The following LYRM4 variants were observed in gnomAD, a reference collection of about 807,000 sequenced individuals.
The protein encoded by LYRM4 is LYR motif-containing protein 4.
A neutral mutation model predicts 11.7 loss-of-function variants in LYRM4; 9 were observed. The ratio of observed to expected loss-of-function variants is 0.77; its 90% CI spans 0.46 to 1.34. The LOEUF (loss-of-function observed/expected upper bound fraction) is 1.34, where lower values mean the gene tolerates loss of function less well. Ranked by LOEUF, LYRM4 falls within the 40% of genes most tolerant of loss-of-function variation. LYRM4 has a pLI of 0.00. For synonymous variants in LYRM4, 42 were observed against 40.4 expected (o/e 1.04, Z -0.15); for missense variants, 133 against 112.5 (o/e 1.18, Z -0.82).
rs1760157828 is a variant in LYRM4, at chr6:5,182,841, G to A, written c.207+33777C>T. Among the ~76,000 whole-genome samples, 3 of 152,122 alleles carry A rather than the reference G, an allele frequency of 2.0e-5. No individual in the cohort carries two copies. In the South Asian group the frequency reaches 6.2e-4, roughly 32 times the overall value. ...ATGGACCTTCTATATTTTTTTAGCT[G>A]AAATGCATCAGTTTTGAAGGAGGCC... is the stretch of plus-strand genomic sequence containing the variant. On this transcript the variant is annotated intron_variant, in intron 2 of 2. Coordinates refer to ENST00000330636, the MANE Select transcript of LYRM4 (RefSeq NM_020408.6).
At chr6:5,174,825 C>T (rs933396276) in intron 2 of LYRM4, among the ~76,000 whole-genome samples, 1 of 152,102 alleles carries the variant, frequency 6.6e-6, no homozygotes, top group Non-Finnish European at 1.5e-5. Context: ...TAACAAACGT[C>T]GAGAAAGGCT....
At position 5,121,891 on chromosome 6, in the gene LYRM4, TGG is replaced by T. The variant is rs1763473170; in HGVS notation, c.208-12402_208-12401del. On this transcript the variant is annotated intron_variant, in intron 2 of 2. Coordinates refer to ENST00000330636, the MANE Select transcript of LYRM4 (RefSeq NM_020408.6). The stretch of plus-strand genomic sequence containing the variant: ...TGCAAATGCTGAGGCTGATCCTTCC[TGG>T]GATGTGTGCTGGGGAATGAGCAAGT... Among the ~76,000 whole-genome samples the T allele has an allele frequency of 3.9e-5, 6 of 152,358 alleles. No homozygotes were observed. The South Asian group carries it at 1.2e-3, about 32-fold the overall frequency.
At chr6:5,084,328 C>A in the LYRM4 span, among the ~76,000 whole-genome samples, 2 of 152,226 alleles carry the variant, frequency 1.3e-5, no homozygotes, top group Non-Finnish European at 2.9e-5. Context: ...CGGGCCTTGG[C>A]CCCTGGCAAG....
At chr6:5,219,034 A>G (rs1394265499) in intron 1 of LYRM4, among the ~76,000 whole-genome samples, 1 of 152,198 alleles carries the variant, frequency 6.6e-6, no homozygotes, top group Non-Finnish European at 1.5e-5. Flanking sequence ...ACATGAATTT[A>G]CCTCCAGGAA....
intron 2 of LYRM4, among the ~76,000 whole-genome samples, chr6:5,164,829 G>T (rs1244305941): frequency 6.6e-6 from 1 of 152,076 alleles, no homozygotes; most frequent in Non-Finnish European, 1.5e-5. Context: ...TTAGCTGGGT[G>T]TGGTGGTACA....
At chr6:5,072,143 A>G in the LYRM4 span, among the ~76,000 whole-genome samples, 1 of 152,216 alleles carries the variant, frequency 6.6e-6, no homozygotes, top group East Asian at 1.9e-4. Flanking sequence ...ATGTCCCTGC[A>G]AAGGACATAA....
chr6:5,085,131 A>C, the LYRM4 span: 1 of 288,214 alleles, frequency 3.5e-6, no homozygotes, highest in Admixed American at 5.2e-5. Flanking sequence ...CGAACGACAG[A>C]AAGTCGCCCC....
intron 2 of LYRM4, among the ~76,000 whole-genome samples, chr6:5,188,688 T>C (rs1760567237): frequency 6.6e-6 from 1 of 152,176 alleles, no homozygotes; most frequent in African/African-American, 2.4e-5. Flanking sequence ...TATTGGAGGA[T>C]TAAATGAGAC....
At chr6:5,157,026 GC>G (rs1375327843) in intron 2 of LYRM4, among the ~76,000 whole-genome samples, 7 of 152,136 alleles carry the variant, frequency 4.6e-5, no homozygotes, top group Admixed American at 4.6e-4. Flanking sequence ...GCAATGCTAA[GC>G]CCACTTTCCA....
chr6:5,068,505 A>T, the LYRM4 span, among the ~76,000 whole-genome samples: 2 of 152,094 alleles, frequency 1.3e-5, no homozygotes, highest in African/African-American at 4.8e-5. The surrounding 1 kb of genome is among the most constrained non-coding windows in gnomAD (Gnocchi z 4.0). Context: ...ACATCAAAAC[A>T]CCTGTTGATG....
At chr6:5,202,046 A>C (rs989412970) in intron 2 of LYRM4, among the ~76,000 whole-genome samples, 1 of 152,242 alleles carries the variant, frequency 6.6e-6, no homozygotes, top group Non-Finnish European at 1.5e-5. Flanking sequence ...GGTATATAAA[A>C]CATAAATGAA....
rs772243158 is a variant in LYRM4, at chr6:5,216,755, G to GA, written c.87-18dup. ...GCATATGTTCTAAATGAATTCAGAG[G>GA]AAAAAAAAGAAAAGGTGTCAGCGTG... On this transcript the variant is annotated splice_polypyrimidine_tract_variant and intron_variant, in intron 1 of 2. Coordinates refer to ENST00000330636, the MANE Select transcript of LYRM4 (RefSeq NM_020408.6). 6.3e-6 allele frequency: 10 copies of GA among 1,596,360 alleles called. No homozygotes were observed. The highest frequency in any genetic ancestry group is 1.4e-5 in the African/African-American group (1 of 73,636).
At chr6:5,219,148 T>G (rs2127726881) in intron 1 of LYRM4, among the ~76,000 whole-genome samples, 1 of 152,312 alleles carries the variant, frequency 6.6e-6, no homozygotes, top group Non-Finnish European at 1.5e-5. Context: ...TAAAAGCTAG[T>G]AACTAGCTTA....
At chr6:5,204,657 C>T (rs1015901035) in intron 2 of LYRM4, among the ~76,000 whole-genome samples, 3 of 152,156 alleles carry the variant, frequency 2.0e-5, no homozygotes, top group African/African-American at 7.2e-5. Flanking sequence ...CTCCTGCATG[C>T]TCTTTCCCCT....
intron 2 of LYRM4, among the ~76,000 whole-genome samples, chr6:5,196,108 G>C (rs1018272695): frequency 6.6e-6 from 1 of 152,134 alleles, no homozygotes; most frequent in Non-Finnish European, 1.5e-5. Flanking sequence ...ACAGAGAGTG[G>C]TAAGAGTCAC....
At chr6:5,213,927 T>C (rs1762116114) in intron 2 of LYRM4, among the ~76,000 whole-genome samples, 1 of 152,244 alleles carries the variant, frequency 6.6e-6, no homozygotes, top group Non-Finnish European at 1.5e-5. Context: ...CTACAACGCA[T>C]GAAGTAGGGC....
intron 2 of LYRM4, among the ~76,000 whole-genome samples, chr6:5,153,807 T>A (rs1758227671): frequency 6.6e-6 from 1 of 152,192 alleles, no homozygotes. Context: ...AATGACCATA[T>A]ATGCTGTGAA....
intron 1 of LYRM4, among the ~76,000 whole-genome samples, chr6:5,223,472 C>A (rs756948559): frequency 1.3e-5 from 2 of 152,140 alleles, no homozygotes; most frequent in African/African-American, 4.8e-5. Flanking sequence ...TGATTTTCAA[C>A]CCTAGGCTAT....
At chr6:5,119,767 T>C (rs1763325117) in intron 2 of LYRM4, among the ~76,000 whole-genome samples, 1 of 110,148 alleles carries the variant, frequency 9.1e-6, no homozygotes, top group African/African-American at 3.7e-5. Flanking sequence ...ATAGCCTGGG[T>C]GGCAGAATGA....
Sources: gnomAD v4.1 joint callset for allele counts (sites outside exome capture counted in the v4.1 genomes callset) on GRCh38, gnomAD v4.1.1 for gene constraint, Gnocchi (gnomAD v3.1) non-coding constraint, MANE v1.5 for transcripts, NCBI Gene and HGNC (gene_info 2026-07-23, HGNC 2026-07-21) for gene names.